The following SEMA6D variants were observed in gnomAD, a reference collection of about 807,000 sequenced individuals.
SEMA6D encodes semaphorin-6D.
A neutral mutation model predicts 106.6 loss-of-function variants in SEMA6D; 35 were observed. The ratio of observed to expected loss-of-function variants is 0.33; its 90% CI spans 0.25 to 0.44. SEMA6D has a LOEUF of 0.44. Among genes scored for constraint, SEMA6D ranks in the 20% least tolerant of loss-of-function variants. The pLI is 1.00. For synonymous variants in SEMA6D, 499 were observed against 487.7 expected (o/e 1.02, Z -0.31); for missense variants, 1,185 against 1,345.9 (o/e 0.88, Z 1.87).
intron 1 of SEMA6D, among the ~76,000 whole-genome samples, chr15:47,316,520 A>G (rs1367005989): frequency 1.3e-5 from 2 of 151,298 alleles, no homozygotes; most frequent in Non-Finnish European, 2.9e-5. Context: ...ATTAAGTATG[A>G]TGTTAGCTGT....
intron 3 of SEMA6D, among the ~76,000 whole-genome samples, chr15:47,600,010 AT>A (rs1041494238): frequency 2.0e-5 from 3 of 151,248 alleles, no homozygotes; most frequent in African/African-American, 4.9e-5. Flanking sequence ...CATTTGGGGA[AT>A]TTTTTTTTCA....
At chr15:47,390,620 C>T (rs544670805) in intron 1 of SEMA6D, among the ~76,000 whole-genome samples, 1 of 152,128 alleles carries the variant, frequency 6.6e-6, no homozygotes, top group Middle Eastern at 3.2e-3. Context: ...CTCTTTCATA[C>T]CTCAAGACAT....
intron 1 of SEMA6D, among the ~76,000 whole-genome samples, chr15:47,400,005 G>A (rs1402073938): frequency 1.3e-5 from 2 of 152,166 alleles, no homozygotes; most frequent in Non-Finnish European, 2.9e-5. Context: ...CATACACTGA[G>A]TTGTGTTTGT....
chr15:47,212,692 C>G (rs1263969363), intron 1 of SEMA6D, among the ~76,000 whole-genome samples: 1 of 152,140 alleles, frequency 6.6e-6, no homozygotes, highest in African/African-American at 2.4e-5. Flanking sequence ...CATTTCCTTT[C>G]TTTTTGCATG....
intron 4 of SEMA6D, among the ~76,000 whole-genome samples, chr15:47,710,158 A>G (rs956652495): frequency 2.0e-5 from 3 of 152,238 alleles, no homozygotes; most frequent in Non-Finnish European, 4.4e-5. Context: ...AGGCTGATGG[A>G]TTAGCTTTTT....
At chr15:47,400,052 A>C (rs2040347408) in intron 1 of SEMA6D, among the ~76,000 whole-genome samples, 1 of 152,202 alleles carries the variant, frequency 6.6e-6, no homozygotes, top group Non-Finnish European at 1.5e-5. Context: ...CCTCCTCACC[A>C]TCCTTAAGCT....
chr15:47,374,414 G>A lies in SEMA6D; in HGVS notation c.-238-37979G>A, dbSNP rs540068575. 3.9e-5 allele frequency among the ~76,000 whole-genome samples: 6 copies of A among 152,236 alleles called. No homozygotes were observed. The East Asian group carries it at 5.8e-4, about 15-fold the overall frequency. On this transcript the variant is annotated intron_variant, in intron 1 of 19. Transcript: ENST00000558014. ...GGTGAGGGCTGAATCTTCTCCATTC[G>A]TTAGGGGGAGCTGTTTAGTCAGCAG... is the stretch of plus-strand genomic sequence containing the variant.
intron 3 of SEMA6D, among the ~76,000 whole-genome samples, chr15:47,502,459 T>C (rs903965982): frequency 6.6e-6 from 1 of 152,212 alleles, no homozygotes; most frequent in African/African-American, 2.4e-5. Flanking sequence ...TGAAAGGGCT[T>C]CCTGGGATCA....
At chr15:47,586,605 A>G (rs988134534) in intron 3 of SEMA6D, among the ~76,000 whole-genome samples, 4 of 152,218 alleles carry the variant, frequency 2.6e-5, no homozygotes, top group Admixed American at 2.0e-4. Flanking sequence ...ATATCCTATC[A>G]TTATATACAG....
At chr15:47,693,587 C>T (rs539446512) in intron 4 of SEMA6D, among the ~76,000 whole-genome samples, 4 of 152,200 alleles carry the variant, frequency 2.6e-5, no homozygotes, top group Admixed American at 2.0e-4. Context: ...ATTAGAATCA[C>T]CTGGAAAGTT....
intron 1 of SEMA6D, among the ~76,000 whole-genome samples, chr15:47,215,539 T>G (rs761145060): frequency 1.3e-5 from 2 of 152,170 alleles, no homozygotes; most frequent in Non-Finnish European, 2.9e-5. Context: ...AACATTTAAA[T>G]TCATAGATGT....
chr15:47,244,425 C>T (rs1210353972), intron 1 of SEMA6D, among the ~76,000 whole-genome samples: 1 of 152,158 alleles, frequency 6.6e-6, no homozygotes, highest in Non-Finnish European at 1.5e-5. Context: ...CTAATATCCT[C>T]AGCCCATTTC....
intron 4 of SEMA6D, among the ~76,000 whole-genome samples, chr15:47,609,536 A>G (rs1596438930): frequency 6.6e-6 from 1 of 152,170 alleles, no homozygotes; most frequent in Non-Finnish European, 1.5e-5. Context: ...TAAACATTTG[A>G]AGGTACATAT....
chr15:47,245,501 C>T (rs1395594611), intron 1 of SEMA6D, among the ~76,000 whole-genome samples: 1 of 152,144 alleles, frequency 6.6e-6, no homozygotes, highest in Non-Finnish European at 1.5e-5. Flanking sequence ...AGAAGCAAGT[C>T]AGAACTCTCA....
intron 1 of SEMA6D, among the ~76,000 whole-genome samples, chr15:47,201,324 G>C (rs1489801928): frequency 6.6e-6 from 1 of 152,032 alleles, no homozygotes; most frequent in Non-Finnish European, 1.5e-5. Context: ...CTGTTGTACT[G>C]AGCCCATTTA....
At chr15:47,590,200 A>G (rs1244874454) in intron 3 of SEMA6D, among the ~76,000 whole-genome samples, 2 of 152,196 alleles carry the variant, frequency 1.3e-5, no homozygotes, top group Non-Finnish European at 2.9e-5. Flanking sequence ...CTATGCAGCC[A>G]TAAAAAAGAA....
Position 47,229,700 on chromosome 15 carries a change from G to A in SEMA6D, c.-239+45282G>A, listed in dbSNP as rs184466453. On this transcript the variant is annotated intron_variant, in intron 1 of 19. Coordinates refer to the SEMA6D transcript ENST00000558014. ...ATATTTGCTGGATGATGAAGCTCCC[G>A]TTCCTTGACAATTACAGTCATATTG... Among the ~76,000 whole-genome samples the A allele has an allele frequency of 8.7e-4, 132 of 152,222 alleles. 1 individual carries two copies. The highest frequency in any genetic ancestry group is 3.4e-3 in the Middle Eastern group (1 of 294).
intron 4 of SEMA6D, among the ~76,000 whole-genome samples, chr15:47,674,038 CTCTT>C (rs1344577289): frequency 3.9e-5 from 6 of 152,266 alleles, no homozygotes; most frequent in African/African-American, 7.2e-5. Context: ...CCCGGACACT[CTCTT>C]TCTATCTCTC....
At chr15:47,657,019 A>G (rs912281748) in intron 4 of SEMA6D, among the ~76,000 whole-genome samples, 1 of 152,208 alleles carries the variant, frequency 6.6e-6, no homozygotes, top group African/African-American at 2.4e-5. Flanking sequence ...GTGTTGTTGA[A>G]ATTGTATCGA....
Sources: gnomAD v4.1 joint callset for allele counts (sites outside exome capture counted in the v4.1 genomes callset) on GRCh38, gnomAD v4.1.1 for gene constraint, MANE v1.5 for transcripts, NCBI Gene and HGNC (gene_info 2026-07-23, HGNC 2026-07-21) for gene names.